C2orf76: variants seen among roughly 807,000 people sequenced by gnomAD.
C2orf76 encodes chromosome 2 open reading frame 76.
In C2orf76, 23 loss-of-function variants were observed where a neutral mutation model predicts 16.9. That is an observed-to-expected ratio of 1.36 (90% CI 0.98 to 1.93). The LOEUF (loss-of-function observed/expected upper bound fraction) is 1.93, where lower values mean the gene tolerates loss of function less well. C2orf76 is among the 30% of genes most tolerant of loss of function. The pLI is 0.00. For missense variants in C2orf76, 152 were observed against 152.6 expected (o/e 1.00, Z 0.02); for synonymous variants, 48 against 52.3 (o/e 0.92, Z 0.35).
At chr2:119,343,043 C>CT (rs1325282694) in intron 1 of C2orf76, among the ~76,000 whole-genome samples, 1 of 152,096 alleles carries the variant, frequency 6.6e-6, no homozygotes, top group Non-Finnish European at 1.5e-5. Context: ...GTATATCATT[C>CT]TTTATGCCTT....
intron 2 of C2orf76, among the ~76,000 whole-genome samples, chr2:119,332,715 G>C (rs1425443588): frequency 6.6e-6 from 1 of 152,136 alleles, no homozygotes; most frequent in African/African-American, 2.4e-5. Context: ...CTAATAGCCA[G>C]GGATGATAAA....
At chr2:119,353,809 C>T (rs901820344) in intron 1 of C2orf76, among the ~76,000 whole-genome samples, 10 of 152,038 alleles carry the variant, frequency 6.6e-5, no homozygotes, top group African/African-American at 1.2e-4. Flanking sequence ...GTGATCCGCC[C>T]GCCTCAACCT....
chr2:119,293,437 C>T, the C2orf76 span, among the ~76,000 whole-genome samples: 1 of 152,118 alleles, frequency 6.6e-6, no homozygotes. Flanking sequence ...TTGGTGTGCA[C>T]CAGGAAGAGG....
the C2orf76 span, among the ~76,000 whole-genome samples, chr2:119,284,223 C>A: frequency 1.3e-5 from 2 of 152,354 alleles, no homozygotes; most frequent in Non-Finnish European, 2.9e-5. Context: ...GCATGCCTCA[C>A]TGACCACGAG....
At chr2:119,350,641 T>C (rs778164306) in intron 1 of C2orf76, among the ~76,000 whole-genome samples, 1 of 152,110 alleles carries the variant, frequency 6.6e-6, no homozygotes, top group Non-Finnish European at 1.5e-5. Flanking sequence ...GCTGCAAGGA[T>C]GGTGAGGAGG....
chr2:119,298,843 C>T (rs750553065), downstream of C2orf76, among the ~76,000 whole-genome samples: 5 of 152,190 alleles, frequency 3.3e-5, no homozygotes, highest in Non-Finnish European at 7.3e-5. Context: ...GTTTTGCCTA[C>T]TCCTTTCCAA....
At chr2:119,291,186 C>T in the C2orf76 span, among the ~76,000 whole-genome samples, 1 of 152,000 alleles carries the variant, frequency 6.6e-6, no homozygotes, top group Non-Finnish European at 1.5e-5. Flanking sequence ...CGAGGAGAAG[C>T]TGCTCGGCAA....
At chr2:119,318,112 T>G (rs1679232269) in intron 3 of C2orf76, among the ~76,000 whole-genome samples, 1 of 152,150 alleles carries the variant, frequency 6.6e-6, no homozygotes, top group South Asian at 2.1e-4. Flanking sequence ...CACTCCTTAA[T>G]TTGTTTATCT....
At chr2:119,366,986 T>C, upstream of C2orf76, 2 of 1,608,092 alleles carry the variant, frequency 1.2e-6, no homozygotes, top group Non-Finnish European at 1.7e-6. Flanking sequence ...CAGTGCAATC[T>C]GGGCGATCGC....
chr2:119,364,897 A>ACC (rs1184684017), intron 1 of C2orf76, among the ~76,000 whole-genome samples: 1 of 151,762 alleles, frequency 6.6e-6, no homozygotes, highest in African/African-American at 2.4e-5. Flanking sequence ...ACATAGCAAG[A>ACC]CCCCATCTCT....
At chr2:119,304,428 G>A (rs1039035157) in intron 5 of C2orf76, among the ~76,000 whole-genome samples, 2 of 152,232 alleles carry the variant, frequency 1.3e-5, no homozygotes, top group African/African-American at 4.8e-5. Context: ...AGTAGGTTCA[G>A]AGAAGCTGCT....
At chr2:119,333,369 T>A (rs1679737060) in intron 2 of C2orf76, among the ~76,000 whole-genome samples, 1 of 152,218 alleles carries the variant, frequency 6.6e-6, no homozygotes, top group Non-Finnish European at 1.5e-5. Flanking sequence ...AAACAAGATA[T>A]GTAAATGGTC....
chr2:119,283,957 T>C, the C2orf76 span, among the ~76,000 whole-genome samples: 5 of 152,344 alleles, frequency 3.3e-5, no homozygotes, highest in African/African-American at 1.2e-4. Context: ...AACTGTGTGA[T>C]GAAACAGCCC....
chr2:119,281,859 C>T, the C2orf76 span, among the ~76,000 whole-genome samples: 3 of 152,034 alleles, frequency 2.0e-5, no homozygotes, highest in Admixed American at 1.3e-4. Context: ...CCTCACTCAA[C>T]CAGAAGACCT....
At chr2:119,349,932 A>T (rs1399745808) in intron 1 of C2orf76, among the ~76,000 whole-genome samples, 2 of 152,116 alleles carry the variant, frequency 1.3e-5, no homozygotes, top group Non-Finnish European at 2.9e-5. Flanking sequence ...TGTTCTTTTT[A>T]AAATTGTTAA....
chr2:119,299,922 C>T (rs774374348), downstream of C2orf76, among the ~76,000 whole-genome samples: 7 of 152,208 alleles, frequency 4.6e-5, no homozygotes, highest in Non-Finnish European at 7.3e-5. Context: ...AGCCACTCAA[C>T]TCCAGCAAGA....
Position 119,350,079 on chromosome 2 carries a change from C to A in C2orf76, c.-12-10108G>T, listed in dbSNP as rs1229853407. ...CGCCCCGCCCACACCGCCCCCCGCC[C>A]CCCCACCGTCCCGCGTAAGTGTTTG... is the stretch of plus-strand genomic sequence containing the variant. On this transcript the variant is annotated intron_variant, in intron 1 of 5. Coordinates refer to ENST00000334816, the MANE Select transcript of C2orf76 (RefSeq NM_001322331.2). Among the ~76,000 whole-genome samples the A allele has an allele frequency of 1.5e-4, 19 of 127,296 alleles. 1 individual carries two copies. Among genetic ancestry groups the A allele is most frequent in the African/African-American group, 3.0e-4 (10 of 33,236 alleles). 83.5% of individuals were successfully genotyped at this position (127,296 alleles called of 152,430 possible).
At chr2:119,335,162 T>C (rs1042190227) in intron 2 of C2orf76, among the ~76,000 whole-genome samples, 1 of 152,208 alleles carries the variant, frequency 6.6e-6, no homozygotes, top group Non-Finnish European at 1.5e-5. Flanking sequence ...TTTATAGATA[T>C]GTACATACGC....
the C2orf76 span, among the ~76,000 whole-genome samples, chr2:119,288,226 G>A: frequency 2.7e-5 from 4 of 147,472 alleles, no homozygotes; most frequent in Non-Finnish European, 4.4e-5. Context: ...ACGCCATCTC[G>A]GCTCACTGCA....
Sources: gnomAD v4.1 joint callset for allele counts (sites outside exome capture counted in the v4.1 genomes callset) on GRCh38, gnomAD v4.1.1 for gene constraint, MANE v1.5 for transcripts, NCBI Gene and HGNC (gene_info 2026-07-23, HGNC 2026-07-21) for gene names.